The following SLC14A2 variants were observed in gnomAD, a reference collection of about 807,000 sequenced individuals.
SLC14A2 encodes the protein solute carrier family 14 member 2, also known as urea transporter 2.
SLC14A2 carries 91 observed loss-of-function variants against 104.6 expected under a neutral mutation model. That is an observed-to-expected ratio of 0.87 (90% CI 0.73 to 1.04). The LOEUF (loss-of-function observed/expected upper bound fraction) is 1.04, where lower values mean the gene tolerates loss of function less well. Ranked by LOEUF, SLC14A2 falls within the 50% of genes least tolerant of loss-of-function variation. The pLI is 0.00. For missense variants in SLC14A2, 1,189 were observed against 1,156.0 expected, an observed-to-expected ratio of 1.03 and a Z score of -0.41; for synonymous variants, 476 against 466.4, an observed-to-expected ratio of 1.02 and a Z score of -0.27.
intron 1 of SLC14A2, among the ~76,000 whole-genome samples, chr18:45,232,791 G>C (rs1265308543): frequency 1.3e-5 from 2 of 152,214 alleles, no homozygotes; most frequent in Non-Finnish European, 2.9e-5. Flanking sequence ...GATGTCATGG[G>C]AGATGCTATT....
At chr18:45,390,636 G>A (rs1277982683) in intron 1 of SLC14A2, among the ~76,000 whole-genome samples, 1 of 152,170 alleles carries the variant, frequency 6.6e-6, no homozygotes, top group African/African-American at 2.4e-5. Flanking sequence ...TATATATAAA[G>A]TGTTAGGAGG....
intron 1 of SLC14A2, among the ~76,000 whole-genome samples, chr18:45,268,455 C>T (rs1177377771): frequency 1.3e-5 from 2 of 152,210 alleles, no homozygotes; most frequent in Non-Finnish European, 2.9e-5. Context: ...ATGATCTATG[C>T]AACCACCTTG....
rs112442584 is a variant in SLC14A2 at position 45,333,781 on chromosome 18, C to G, written c.-125+120590C>G. ...TTGTGCTTATTTTGGGCAAGAGGAT[C>G]TTGACTCCATTCATTAATTTAATAA... On this transcript the variant is annotated intron_variant, in intron 1 of 20. Coordinates refer to the SLC14A2 transcript ENST00000586448. Among the ~76,000 whole-genome samples, 4 of 152,314 alleles carry G rather than the reference C, an allele frequency of 2.6e-5. 1 individual carries two copies. The highest frequency in any genetic ancestry group is 9.6e-5 in the African/African-American group (4 of 41,574).
chr18:45,174,234 T>A, the SLC14A2 span, among the ~76,000 whole-genome samples: 541 of 152,222 alleles, frequency 3.6e-3, 4 homozygotes, highest in Non-Finnish European at 5.6e-3. Flanking sequence ...CATGTCAGCA[T>A]CTCTATTAAG....
the SLC14A2 span, among the ~76,000 whole-genome samples, chr18:45,186,601 A>AGGAT: frequency 6.6e-6 from 1 of 152,230 alleles, no homozygotes; most frequent in African/African-American, 2.4e-5. Flanking sequence ...CAGAATGTCA[A>AGGAT]GGATTTTTTT....
intron 1 of SLC14A2, among the ~76,000 whole-genome samples, chr18:45,330,952 C>T (rs1043493044): frequency 6.6e-6 from 1 of 152,148 alleles, no homozygotes; most frequent in Non-Finnish European, 1.5e-5. Flanking sequence ...GGAAGTGCTT[C>T]ATGCATTTTC....
intron 2 of SLC14A2, among the ~76,000 whole-genome samples, chr18:45,580,331 G>T (rs1350006256): frequency 3.3e-5 from 5 of 152,254 alleles, no homozygotes; most frequent in Admixed American, 3.3e-4. Context: ...CAGCAGATCT[G>T]TCTTAGCTAA....
chr18:45,574,281 G>C (rs73441859), intron 2 of SLC14A2, among the ~76,000 whole-genome samples: 65 of 152,302 alleles, frequency 4.3e-4, no homozygotes, highest in African/African-American at 1.5e-3. Context: ...AAGTAGTGAA[G>C]GGGCTTGTGC....
chr18:45,505,820 C>T lies in SLC14A2; in HGVS notation c.-35+22498C>T, dbSNP rs182221283. On this transcript the variant is annotated intron_variant, in intron 2 of 20. Coordinates refer to the SLC14A2 transcript ENST00000586448. ...ATGTTTGTGTACAGACCCGCCTACA[C>T]GTTTCACAAAGCCTAGCCTTGCCTC... 2.5e-3 allele frequency among the ~76,000 whole-genome samples: 385 copies of T among 152,310 alleles called. 2 individuals carry two copies. The highest frequency in any genetic ancestry group is 9.5e-3 in the South Asian group (46 of 4,832).
chr18:45,670,301 C>G (rs888844030), intron 16 of SLC14A2, among the ~76,000 whole-genome samples: 1 of 152,064 alleles, frequency 6.6e-6, no homozygotes, highest in Non-Finnish European at 1.5e-5. Context: ...ATAATCCTGA[C>G]CTCTGGAAGT....
At chr18:45,436,875 G>T (rs1031566574) in intron 1 of SLC14A2, among the ~76,000 whole-genome samples, 1 of 152,036 alleles carries the variant, frequency 6.6e-6, no homozygotes, top group East Asian at 1.9e-4. Context: ...CACATCAAAA[G>T]GTGGGTGCAA....
chr18:45,394,324 G>A (rs907786348), intron 1 of SLC14A2, among the ~76,000 whole-genome samples: 3 of 151,978 alleles, frequency 2.0e-5, no homozygotes, highest in African/African-American at 7.3e-5. Flanking sequence ...ATCTGTTAGG[G>A]TGCAGGAAAT....
chr18:45,449,443 TG>T (rs1293750454), intron 1 of SLC14A2, among the ~76,000 whole-genome samples: 1 of 152,198 alleles, frequency 6.6e-6, no homozygotes, highest in African/African-American at 2.4e-5. Context: ...TTGGCATCCT[TG>T]GGTTACTCTG....
chr18:45,653,106 C>G (rs909759139), intron 10 of SLC14A2, among the ~76,000 whole-genome samples: 1 of 151,916 alleles, frequency 6.6e-6, no homozygotes, highest in African/African-American at 2.4e-5. Context: ...AACAGACCAG[C>G]CAGCAGGGAC....
At chr18:45,454,003 G>A (rs1389889133) in intron 1 of SLC14A2, among the ~76,000 whole-genome samples, 1 of 151,948 alleles carries the variant, frequency 6.6e-6, no homozygotes, top group Non-Finnish European at 1.5e-5. Flanking sequence ...GGGATTACAG[G>A]CGCATGCCAC....
At chr18:45,218,492 C>T (rs1020981352) in intron 1 of SLC14A2, among the ~76,000 whole-genome samples, 1 of 152,024 alleles carries the variant, frequency 6.6e-6, no homozygotes, top group South Asian at 2.1e-4. Context: ...AACTTGATTC[C>T]CTTTATATTG....
chr18:45,658,198 G>A (rs2045874746), intron 10 of SLC14A2, among the ~76,000 whole-genome samples: 1 of 152,136 alleles, frequency 6.6e-6, no homozygotes, highest in African/African-American at 2.4e-5. Flanking sequence ...AGGTCTTGAT[G>A]GTAGCCTCTC....
chr18:45,591,715 A>G (rs2044648644), intron 2 of SLC14A2, among the ~76,000 whole-genome samples: 1 of 152,322 alleles, frequency 6.6e-6, no homozygotes, highest in African/African-American at 2.4e-5. Context: ...GCTCTAGGCT[A>G]TTTACCTGAT....
At chr18:45,515,797 C>T (rs911076049) in intron 2 of SLC14A2, among the ~76,000 whole-genome samples, 1 of 152,218 alleles carries the variant, frequency 6.6e-6, no homozygotes, top group African/African-American at 2.4e-5. Context: ...CTTCAGAAAA[C>T]CATGCATCAC....
Sources: allele counts gnomAD v4.1 joint callset (sites outside exome capture counted in the v4.1 genomes callset), GRCh38; gene constraint gnomAD v4.1.1; transcripts MANE v1.5; gene names NCBI Gene and HGNC (gene_info 2026-07-23, HGNC 2026-07-21).